The following PSMC6 variants were observed in gnomAD, a reference collection of about 807,000 sequenced individuals.
PSMC6 encodes the protein 26S proteasome regulatory subunit 10B.
In PSMC6, 3 loss-of-function variants were observed where a neutral mutation model predicts 55.9. The observed-to-expected ratio is 0.05, with a 90% CI of 0.02 to 0.14. The LOEUF (loss-of-function observed/expected upper bound fraction) is 0.14, where lower values mean the gene tolerates loss of function less well. Among genes scored for constraint, PSMC6 ranks in the 10% least tolerant of loss-of-function variants. PSMC6 has a pLI of 1.00. For synonymous variants in PSMC6, 137 were observed against 155.9 expected (o/e 0.88, Z 0.90); for missense variants, 210 against 478.7 (o/e 0.44, Z 5.24).
intron 4 of PSMC6, 167 bp from the exon 5 acceptor site, chr14:52,710,934 A>ATC: frequency 1.6e-5 from 9 of 575,042 alleles, no homozygotes; most frequent in South Asian, 5.6e-5. Flanking sequence ...AATCACTTTG[A>ATC]ATTACTTATT....
chr14:52,725,823 C>T (rs1441143041), intron 13 of PSMC6, among the ~76,000 whole-genome samples: 1 of 152,202 alleles, frequency 6.6e-6, no homozygotes, highest in Non-Finnish European at 1.5e-5. Flanking sequence ...CCAGGCATCT[C>T]TTGTGCAGAT....
Position 52,723,992 on chromosome 14 carries a change from A to G in PSMC6, c.1007A>G (p.Asp336Gly). Residue 336 changes from aspartate (D) to glycine (G), a missense_variant, in exon 13 of 14, where the codon GAT becomes GGT. Transcript: ENST00000445930. Reference protein sequence around the residue: ...IDYEAIVKLSDGFNGADLRNV... With the variant: ...IDYEAIVKLSGGFNGADLRNV... ...TATGAAGCAATTGTGAAGCTTTCGG[A>G]TGGCTTTAATGGAGCAGATCTGAGA... 6.2e-7 allele frequency: 1 copy of G among 1,613,976 alleles called. No homozygotes were observed.
At chr14:52,718,535 T>C in intron 9 of PSMC6, 183 bp downstream of exon 9, 1 of 630,954 alleles carries the variant, frequency 1.6e-6, no homozygotes, top group Non-Finnish European at 2.5e-6. Context: ...ATGCCTGTAA[T>C]CCCAGCACTT....
At chr14:52,716,520 G>A (rs533543174) in intron 7 of PSMC6, among the ~76,000 whole-genome samples, 41 of 152,306 alleles carry the variant, frequency 2.7e-4, no homozygotes, top group East Asian at 2.5e-3. Flanking sequence ...TTGGGAGGCC[G>A]AGGCGGGCGG....
At chr14:52,707,611 T>C in intron 1 of PSMC6, 1 of 301,452 alleles carries the variant, frequency 3.3e-6, no homozygotes, top group Non-Finnish European at 6.4e-6. Context: ...AAGGGCAGTC[T>C]TGGTGGAGTC....
rs550393292 is a variant in PSMC6 at position 52,708,408 on chromosome 14, G to A, written c.165+20G>A. On this transcript the variant is annotated intron_variant, in intron 2 of 13. Transcript: ENST00000445930. ...GGGCAGGTAGGTGATGGAGTTTGGG[G>A]AATAGGGGGTGATGGTAATTTGCTT... is the stretch of plus-strand genomic sequence containing the variant. 6.2e-7 allele frequency: 1 copy of A among 1,612,348 alleles called. No homozygotes were observed. Among genetic ancestry groups the A allele is most frequent in the Non-Finnish European group, 8.5e-7 (1 of 1,178,438 alleles).
intron 12 of PSMC6, chr14:52,721,413 A>G: frequency 2.3e-6 from 1 of 435,810 alleles, no homozygotes; most frequent in Non-Finnish European, 4.1e-6. Context: ...AATTTCTGCC[A>G]TTAGAGAACT....
intron 12 of PSMC6, chr14:52,723,476 T>A (rs1025964223): frequency 6.5e-6 from 1 of 153,880 alleles, no homozygotes; most frequent in Non-Finnish European, 1.4e-5. Flanking sequence ...AGCTAATGCA[T>A]GCTGTAGCAT....
chr14:52,722,512 A>T (rs1333291151), intron 12 of PSMC6: 3 of 152,096 alleles, frequency 2.0e-5, no homozygotes, highest in African/African-American at 7.2e-5. Flanking sequence ...GAGTACATAG[A>T]TGCTTATGAT....
rs1041517752 is a variant in PSMC6, at chr14:52,711,041, C to T, written c.259-60C>T. Reference sequence around the variant, plus strand: ...GTTTGGCTTCTAAATATTAAACTCTCGTTAGAGTGTTATTCCGTTTTTAAG... The same window carrying T: ...GTTTGGCTTCTAAATATTAAACTCTTGTTAGAGTGTTATTCCGTTTTTAAG... On this transcript the variant is annotated intron_variant, in intron 4 of 13. Coordinates refer to ENST00000445930, the MANE Select transcript of PSMC6 (RefSeq NM_002806.5). 24 of 346,736 alleles carry T rather than the reference C, an allele frequency of 6.9e-5. No individual in the cohort carries two copies. The South Asian group carries it at 7.9e-4, about 11-fold the overall frequency. The allele number at this position is 346,736 out of a possible 1,614,324, so 21.5% of individuals were successfully genotyped here.
intron 3 of PSMC6, 118 bp downstream of exon 3, chr14:52,708,640 T>A (rs1188539863): frequency 1.3e-6 from 2 of 1,532,318 alleles, no homozygotes; most frequent in Admixed American, 3.9e-5. Context: ...TTGAATAGAC[T>A]TAAGTTTTCC....
intron 12 of PSMC6, chr14:52,722,483 T>A (rs1229854976): frequency 6.6e-6 from 1 of 152,066 alleles, no homozygotes. Context: ...TGTACTTTTA[T>A]GAGACTGGAG....
chr14:52,710,813 T>G, intron 4 of PSMC6: 2 of 384,122 alleles, frequency 5.2e-6, no homozygotes, highest in South Asian at 2.8e-5. Flanking sequence ...AATGCTTTGG[T>G]AGCAATTCCC....
chr14:52,719,175 CAT>C, intron 10 of PSMC6, 137 bp downstream of exon 10: 2 of 848,004 alleles, frequency 2.4e-6, no homozygotes, highest in Admixed American at 5.9e-5. Context: ...CAGGAACAAA[CAT>C]GTTTCTCTAT....
chr14:52,708,628 TTTTGAATAGACTTAA>T, intron 3 of PSMC6, 106 bp downstream of exon 3: 2 of 1,524,552 alleles, frequency 1.3e-6, no homozygotes, highest in Non-Finnish European at 1.8e-6. Flanking sequence ...GAGAGAGTAT[TTTTGAATAGACTTAA>T]GTTTTCCTTC....
intron 7 of PSMC6, among the ~76,000 whole-genome samples, chr14:52,717,328 GA>G (rs1227729314): frequency 3.0e-5 from 4 of 134,476 alleles, no homozygotes; most frequent in African/African-American, 8.2e-5. Context: ...AAGTACTTTG[GA>G]ATTTTTTTTT....
intron 6 of PSMC6, among the ~76,000 whole-genome samples, chr14:52,712,399 G>T (rs1407067118): frequency 1.4e-5 from 1 of 73,908 alleles, no homozygotes; most frequent in East Asian, 4.5e-4. Context: ...AAAAAAGGCA[G>T]TTCTCACCTG....
chr14:52,714,891 T>A (rs1287764804), intron 7 of PSMC6, among the ~76,000 whole-genome samples: 3 of 145,388 alleles, frequency 2.1e-5, no homozygotes, highest in African/African-American at 7.9e-5. Flanking sequence ...AAAAAAAATT[T>A]TTTTATATAA....
chr14:52,714,023 A>T lies in PSMC6; in HGVS notation c.529+55A>T, dbSNP rs1005707455. ...ATAAGATAAATGAATTAAGGAATTA[A>T]AAAAAAAAAGACAATTTTTTTATTT... On this transcript the variant is annotated intron_variant, in intron 7 of 13. Coordinates refer to ENST00000445930, the MANE Select transcript of PSMC6 (RefSeq NM_002806.5). 1.4e-5 allele frequency: 16 copies of T among 1,125,348 alleles called. No homozygotes were observed. The African/African-American group carries it at 1.6e-4, about 11-fold the overall frequency. 69.7% of individuals were successfully genotyped at this position (1,125,348 alleles called of 1,614,324 possible).
Sources: gnomAD v4.1 joint callset for allele counts (sites outside exome capture counted in the v4.1 genomes callset) on GRCh38, gnomAD v4.1.1 for gene constraint, MANE v1.5 for transcripts, NCBI Gene and HGNC (gene_info 2026-07-23, HGNC 2026-07-21) for gene names.